GMPS: variants seen among roughly 807,000 people sequenced by gnomAD.
GMPS encodes the protein guanosine monophosphate synthase.
GMPS carries 15 observed loss-of-function variants against 77.9 expected under a neutral mutation model. That is an observed-to-expected ratio of 0.19 (90% CI 0.13 to 0.30). GMPS has a LOEUF of 0.30. Ranked by LOEUF, GMPS falls within the 10% of genes least tolerant of loss-of-function variation. The pLI is 1.00. For synonymous variants in GMPS, 224 were observed against 275.9 expected, an observed-to-expected ratio of 0.81 and a Z score of 1.86; for missense variants, 590 against 838.8, an observed-to-expected ratio of 0.70 and a Z score of 3.66.
intron 5 of GMPS, among the ~76,000 whole-genome samples, chr3:155,909,524 T>C (rs1443913346): frequency 2.0e-5 from 3 of 152,234 alleles, no homozygotes; most frequent in African/African-American, 4.8e-5. Context: ...ATGTACGTCC[T>C]ATACCTCATT....
chr3:155,935,621 C>T (rs189500736), intron 14 of GMPS, among the ~76,000 whole-genome samples: 7 of 152,274 alleles, frequency 4.6e-5, no homozygotes, highest in Admixed American at 2.0e-4. Flanking sequence ...AACAAGGTGA[C>T]GCTATGCCTT....
intron 2 of GMPS, among the ~76,000 whole-genome samples, chr3:155,896,664 G>T (rs899984865): frequency 7.4e-5 from 11 of 148,214 alleles, no homozygotes; most frequent in African/African-American, 2.5e-4. Context: ...CAAGCAATCT[G>T]CCCGTCTCTG....
chr3:155,936,598 T>C, intron 15 of GMPS, 88 bp downstream of exon 15: 1 of 750,434 alleles, frequency 1.3e-6, no homozygotes, highest in Non-Finnish European at 2.2e-6. Context: ...GCCAGTGCTG[T>C]ATTTCTTATG....
intron 3 of GMPS, among the ~76,000 whole-genome samples, chr3:155,898,573 C>T (rs1411176795): frequency 6.6e-6 from 1 of 152,202 alleles, no homozygotes; most frequent in Admixed American, 6.5e-5. Context: ...TCAGTCAGGA[C>T]TATGTGTTGT....
At chr3:155,905,799 T>G (rs1754868475) in intron 4 of GMPS, among the ~76,000 whole-genome samples, 1 of 152,228 alleles carries the variant, frequency 6.6e-6, no homozygotes, top group African/African-American at 2.4e-5. Context: ...GAATGAAGTG[T>G]TAAGGTCTTT....
intron 1 of GMPS, among the ~76,000 whole-genome samples, chr3:155,877,696 G>A (rs376967866): frequency 5.9e-5 from 9 of 151,954 alleles, no homozygotes; most frequent in African/African-American, 1.7e-4. Flanking sequence ...AATTCTGAAC[G>A]CTGAGAAGTT....
intron 2 of GMPS, among the ~76,000 whole-genome samples, chr3:155,897,551 G>C (rs1399773324): frequency 1.3e-5 from 2 of 152,128 alleles, no homozygotes; most frequent in African/African-American, 4.8e-5. Flanking sequence ...GACCTGCTAG[G>C]CTCTGAGAAG....
At chr3:155,936,534 T>C (rs756071515) in intron 15 of GMPS, 24 bp downstream of exon 15, 2 of 1,412,750 alleles carry the variant, frequency 1.4e-6, no homozygotes, top group Non-Finnish European at 2.0e-6. Context: ...TTTTTTCTAA[T>C]GCACGTTCTC....
intron 3 of GMPS, among the ~76,000 whole-genome samples, chr3:155,899,435 T>C (rs1186278489): frequency 1.3e-5 from 2 of 151,120 alleles, no homozygotes; most frequent in Admixed American, 6.6e-5. Context: ...TTCTTTTCTT[T>C]TTTTTTTTTC....
intron 1 of GMPS, among the ~76,000 whole-genome samples, chr3:155,875,526 G>C (rs566292340): frequency 2.0e-5 from 3 of 152,208 alleles, no homozygotes; most frequent in Non-Finnish European, 2.9e-5. Context: ...CATTGTGTCC[G>C]GCCCTGGCCT....
chr3:155,888,151 A>C (rs1168829054), intron 1 of GMPS, among the ~76,000 whole-genome samples: 7 of 150,958 alleles, frequency 4.6e-5, no homozygotes, highest in African/African-American at 1.7e-4. Flanking sequence ...GGCTCAAGTA[A>C]TCCCCCCTCC....
At chr3:155,928,019 CTT>C (rs35962523) in intron 12 of GMPS, among the ~76,000 whole-genome samples, 15 of 67,836 alleles carry the variant, frequency 2.2e-4, no homozygotes, top group Non-Finnish European at 3.3e-4. Context: ...GCATTTTACA[CTT>C]TTTTTTTTTT....
rs767159916 is a variant in GMPS at position 155,910,201 on chromosome 3, C to T, written c.527-491C>T. Among the ~76,000 whole-genome samples the T allele has an allele frequency of 7.3e-5, 11 of 151,578 alleles. 1 individual carries two copies. The highest frequency in any genetic ancestry group is 1.2e-4 in the African/African-American group (5 of 41,304). Reference sequence around the variant, plus strand: ...GCAGAGGTGACAAGTGAGCCAAGATCGCACCGCTGCACTCCAGCCTGGGCA... The same window carrying T: ...GCAGAGGTGACAAGTGAGCCAAGATTGCACCGCTGCACTCCAGCCTGGGCA... On this transcript the variant is annotated intron_variant, in intron 5 of 15. Transcript: ENST00000496455.
rs765957447 is a variant in GMPS at position 155,870,821 on chromosome 3, C to T, written c.-50C>T. ...CGCCGACCCTTCCGGCACCCTCCCG[C>T]CCCGTCTCGTACTGTCGCCGTCACC... is the stretch of plus-strand genomic sequence containing the variant. On this transcript the variant is annotated 5_prime_UTR_variant, in exon 1 of 16. Transcript: ENST00000496455. 2 of 1,293,906 alleles carry T rather than the reference C, an allele frequency of 1.5e-6. No individual in the cohort carries two copies. The highest frequency in any genetic ancestry group is 2.6e-5 in the South Asian group (2 of 76,808). 80.2% of individuals were successfully genotyped at this position (1,293,906 alleles called of 1,614,324 possible). A position where few individuals can be genotyped will look rare whatever the true frequency, so the allele number is the denominator to read the frequency against.
chr3:155,915,991 A>G, intron 8 of GMPS, 28 bp from the exon 9 acceptor site: 2 of 1,556,032 alleles, frequency 1.3e-6, no homozygotes, highest in African/African-American at 1.4e-5. Context: ...TATCTCTTAC[A>G]AGGCTGTTTT....
intron 3 of GMPS, among the ~76,000 whole-genome samples, chr3:155,899,368 CA>C (rs796749726): frequency 5.3e-4 from 72 of 134,932 alleles, no homozygotes; most frequent in Middle Eastern, 7.8e-3. Flanking sequence ...AACTCCTTCT[CA>C]AAAAAAAAAA....
chr3:155,928,470 C>T (rs1435071000), intron 12 of GMPS, among the ~76,000 whole-genome samples: 2 of 151,958 alleles, frequency 1.3e-5, no homozygotes, highest in African/African-American at 4.8e-5. Context: ...AAGCAAATTA[C>T]TTGGATTAAA....
upstream of GMPS, among the ~76,000 whole-genome samples, chr3:155,869,959 T>G (rs563750222): frequency 7.2e-5 from 11 of 152,220 alleles, 1 homozygote; most frequent in African/African-American, 2.4e-4. Context: ...CTGCAGCCCC[T>G]TCCCCACAAA....
intron 4 of GMPS, 29 bp from the exon 5 acceptor site, chr3:155,906,131 T>C (rs1284944472): frequency 9.6e-6 from 12 of 1,253,754 alleles, no homozygotes; most frequent in South Asian, 8.2e-5. Flanking sequence ...AATTAAGATA[T>C]TTGTGTGTTT....
Sources: allele counts gnomAD v4.1 joint callset (sites outside exome capture counted in the v4.1 genomes callset), GRCh38; gene constraint gnomAD v4.1.1; transcripts MANE v1.5; gene names NCBI Gene and HGNC (gene_info 2026-07-23, HGNC 2026-07-21).